The following ABR variants were observed in gnomAD, a reference collection of about 807,000 sequenced individuals.
The protein encoded by ABR is ABR activator of RhoGEF and GTPase.
ABR carries 35 observed loss-of-function variants against 107.2 expected under a neutral mutation model. That is an observed-to-expected ratio of 0.33 (90% CI 0.25 to 0.43). The LOEUF (loss-of-function observed/expected upper bound fraction) is 0.43, where lower values mean the gene tolerates loss of function less well. Ranked by LOEUF, ABR falls within the 20% of genes least tolerant of loss-of-function variation. The pLI is 1.00. For missense variants in ABR, 815 were observed against 1,115.2 expected, an observed-to-expected ratio of 0.73 and a Z score of 3.83; for synonymous variants, 498 against 462.0, an observed-to-expected ratio of 1.08 and a Z score of -1.00.
chr17:1,049,583 C>T (rs535708607), intron 16 of ABR, among the ~76,000 whole-genome samples: 115 of 150,788 alleles, frequency 7.6e-4, no homozygotes, highest in African/African-American at 2.7e-3. Flanking sequence ...AAGTCAGAGA[C>T]CCCCCTCCCC....
chr17:1,222,637 T>G (rs1399008314), intron 1 of ABR, among the ~76,000 whole-genome samples: 1 of 152,088 alleles, frequency 6.6e-6, no homozygotes, highest in Non-Finnish European at 1.5e-5. Flanking sequence ...CAGGGCCAAG[T>G]GTGGTGGCTC....
intron 14 of ABR, among the ~76,000 whole-genome samples, chr17:1,053,520 T>G (rs1286827353): frequency 6.6e-6 from 1 of 152,072 alleles, no homozygotes; most frequent in East Asian, 1.9e-4. Context: ...ATCACCTCCC[T>G]TCTCTCCCCA....
At chr17:1,109,093 G>C (rs2038474162) in intron 2 of ABR, 2 of 1,585,922 alleles carry the variant, frequency 1.3e-6, no homozygotes, top group African/African-American at 1.4e-5. Context: ...GCGGAGGGCA[G>C]ACAGGAAGCG....
upstream of ABR, among the ~76,000 whole-genome samples, chr17:1,188,498 C>G (rs2042362498): frequency 6.6e-6 from 1 of 150,746 alleles, no homozygotes; most frequent in South Asian, 2.1e-4. Flanking sequence ...TGCAGTGAAC[C>G]AAGATCGCAC....
chr17:1,043,576 G>A (rs143476352), intron 16 of ABR, among the ~76,000 whole-genome samples: 415 of 152,284 alleles, frequency 2.7e-3, no homozygotes, highest in African/African-American at 9.7e-3. Flanking sequence ...ACCCAGGCTG[G>A]AGTACAGTAG....
chr17:1,036,247 G>A (rs1219831533), intron 16 of ABR, among the ~76,000 whole-genome samples: 5 of 152,308 alleles, frequency 3.3e-5, no homozygotes, highest in South Asian at 2.1e-4. Context: ...GGCCACAGGC[G>A]CCCCAGTGGG....
chr17:1,216,032 C>G (rs1301529491), intron 1 of ABR, among the ~76,000 whole-genome samples: 3 of 149,334 alleles, frequency 2.0e-5, no homozygotes, highest in Non-Finnish European at 4.5e-5. Context: ...GGGACACAAA[C>G]ACTGCGGAAG....
chr17:1,163,026 C>T (rs1326922657), intron 1 of ABR, among the ~76,000 whole-genome samples: 1 of 152,198 alleles, frequency 6.6e-6, no homozygotes, highest in Admixed American at 6.5e-5. Context: ...GAGCCGAGAT[C>T]CTGCCATTGC....
Position 1,009,657 on chromosome 17 carries a change from G to A in ABR, c.2342+22C>T, listed in dbSNP as rs201685521. 2.8e-5 allele frequency: 45 copies of A among 1,597,886 alleles called. No individual in the cohort carries two copies. In the East Asian group the frequency reaches 1.0e-3, roughly 36 times the overall value. On this transcript the variant is annotated intron_variant, in intron 21 of 22. Transcript: ENST00000302538. ...TCATGAGGAGGGACTGAGGAGGTGG[G>A]GTTGGGGCCGCTCCCCGTTACCTTT...
At chr17:1,173,308 CCCCCCCATCACCTCAGCCCA>C (rs2041809496) in intron 1 of ABR, among the ~76,000 whole-genome samples, 1 of 125,472 alleles carries the variant, frequency 8.0e-6, no homozygotes, top group African/African-American at 2.9e-5. Context: ...CTCAGTCCAC[CCCCCCCATCACCTCAGCCCA>C]CCCAACACAT....
intron 1 of ABR, among the ~76,000 whole-genome samples, chr17:1,226,975 A>C (rs1173171646): frequency 3.3e-5 from 5 of 152,172 alleles, no homozygotes; most frequent in Admixed American, 6.6e-5. Flanking sequence ...GTAGCTGTGC[A>C]GTGTGCCACA....
At position 1,087,510 on chromosome 17, in the gene ABR, C is replaced by CT. The variant is rs530897596; in HGVS notation, c.532-3884dup. ...AGGTCTCAGCTGCAGAAGGGCAGGA[C>CT]TTTAAAAGGGGGCAGGGCCGGACTT... On this transcript the variant is annotated intron_variant, in intron 4 of 22. Coordinates refer to ENST00000302538, the MANE Select transcript of ABR (RefSeq NM_021962.5). 5.5e-4 allele frequency among the ~76,000 whole-genome samples: 79 copies of CT among 144,548 alleles called. 1 individual carries two copies. Among genetic ancestry groups the CT allele is most frequent in the Non-Finnish European group, 7.9e-4 (53 of 66,914 alleles). The allele number at this position is 144,548 out of a possible 152,430, so 94.8% of individuals were successfully genotyped here.
Position 1,004,541 on chromosome 17 carries a change from GC to G in ABR, c.*1538del, listed in dbSNP as rs2069882959. The G allele has an allele frequency of 6.5e-6, 1 of 152,964 alleles. No homozygotes were observed. The highest frequency in any genetic ancestry group is 1.5e-5 in the Non-Finnish European group (1 of 68,468). 9.5% of individuals were successfully genotyped at this position (152,964 alleles called of 1,614,324 possible). A position where few individuals can be genotyped will look rare whatever the true frequency, so the allele number is the denominator to read the frequency against. On this transcript the variant is annotated 3_prime_UTR_variant, in exon 23 of 23. Transcript: ENST00000302538. Reference sequence around the variant, plus strand: ...GGAGCTGTAACTGGCTATAAGTCGAGCCCCTGGAGCTGCATCTGCTCTCCTA... The same window carrying G: ...GGAGCTGTAACTGGCTATAAGTCGAGCCCTGGAGCTGCATCTGCTCTCCTA...
rs2069990732 is a variant in ABR, at chr17:1,005,943, C to T, written c.*137G>A. The T allele has an allele frequency of 1.2e-6, 1 of 818,792 alleles. No homozygotes were observed. The highest frequency in any genetic ancestry group is 2.0e-6 in the Non-Finnish European group (1 of 503,492). The allele number at this position is 818,792 out of a possible 1,614,324, so 50.7% of individuals were successfully genotyped here. Reference sequence around the variant, plus strand: ...GGTGGCACAAAAGACGTACGCATTCCAGTTCTTGGAAGCTGGCTTCCCTCG... The same window carrying T: ...GGTGGCACAAAAGACGTACGCATTCTAGTTCTTGGAAGCTGGCTTCCCTCG... On this transcript the variant is annotated 3_prime_UTR_variant, in exon 23 of 23. Coordinates refer to ENST00000302538, the MANE Select transcript of ABR (RefSeq NM_021962.5).
chr17:1,034,342 A>G (rs72814004), intron 16 of ABR, among the ~76,000 whole-genome samples: 31,977 of 152,096 alleles, frequency 0.21, 4,365 homozygotes, highest in Non-Finnish European at 0.3. Flanking sequence ...AGACGAATCA[A>G]AAGTCAGTGC....
At chr17:1,056,228 CCA>C (rs1412306688) in intron 13 of ABR, 119 bp from the exon 14 acceptor site, 5 of 866,628 alleles carry the variant, frequency 5.8e-6, no homozygotes, top group Non-Finnish European at 9.4e-6. Flanking sequence ...TCCAACATCA[CCA>C]CCTGGTGGCC....
chr17:1,187,536 A>G (rs11656708), upstream of ABR, among the ~76,000 whole-genome samples: 91,251 of 152,134 alleles, frequency 0.6, 28,591 homozygotes, highest in Non-Finnish European at 0.69. Flanking sequence ...GAGAGAGCAG[A>G]AGCCCCCAGG....
intron 1 of ABR, among the ~76,000 whole-genome samples, chr17:1,222,813 G>A (rs955286422): frequency 6.6e-6 from 1 of 152,132 alleles, no homozygotes; most frequent in African/African-American, 2.4e-5. Flanking sequence ...GGAGGCTGAG[G>A]TGGGAGGATC....
intron 1 of ABR, among the ~76,000 whole-genome samples, chr17:1,155,165 T>C (rs2040990951): frequency 6.6e-6 from 1 of 151,836 alleles, no homozygotes; most frequent in South Asian, 2.1e-4. Context: ...CTGGAGCAGA[T>C]GGGCAAAGAA....
Sources: allele counts gnomAD v4.1 joint callset (sites outside exome capture counted in the v4.1 genomes callset), GRCh38; gene constraint gnomAD v4.1.1; transcripts MANE v1.5; gene names NCBI Gene and HGNC (gene_info 2026-07-23, HGNC 2026-07-21).